SIL1: variants seen among roughly 807,000 people sequenced by gnomAD.
SIL1 encodes SIL1 nucleotide exchange factor.
SIL1 carries 40 observed loss-of-function variants against 49.1 expected under a neutral mutation model. The observed-to-expected ratio is 0.81, with a 90% CI of 0.63 to 1.06. The LOEUF is 1.06. Among genes scored for constraint, SIL1 ranks in the 50% least tolerant of loss-of-function variants. The pLI is 0.00. For synonymous variants in SIL1, 253 were observed against 250.8 expected (o/e 1.01, Z -0.08); for missense variants, 500 against 572.6 (o/e 0.87, Z 1.29).
intron 1 of SIL1, among the ~76,000 whole-genome samples, chr5:139,157,481 G>T (rs1046692220): frequency 9.2e-5 from 14 of 152,192 alleles, no homozygotes; most frequent in East Asian, 1.9e-4. Flanking sequence ...TTCTCTGGAA[G>T]TTTTCAGGAT....
At position 139,151,957 on chromosome 5, in the gene SIL1, A is replaced by G. The variant is rs529146004; in HGVS notation, c.-10-24104T>C. Among the ~76,000 whole-genome samples, 24 of 152,370 alleles carry G rather than the reference A, an allele frequency of 1.6e-4. No individual in the cohort carries two copies. In the East Asian group the frequency reaches 4.4e-3, roughly 28 times the overall value. ...AATCCTACTTTCCAAAACTTTTCCA[A>G]TTGATACAACATTGTCATAAAAAAT... is the stretch of plus-strand genomic sequence containing the variant. On this transcript the variant is annotated intron_variant, in intron 1 of 9. Coordinates refer to ENST00000394817, the MANE Select transcript of SIL1 (RefSeq NM_022464.5).
At chr5:138,977,702 G>A (rs1767423071) in intron 7 of SIL1, among the ~76,000 whole-genome samples, 1 of 152,114 alleles carries the variant, frequency 6.6e-6, no homozygotes, top group Admixed American at 6.5e-5. Context: ...TGGCACCAGT[G>A]GCTTCCTGCT....
At chr5:139,030,202 C>T (rs192641066) in intron 5 of SIL1, among the ~76,000 whole-genome samples, 37 of 152,020 alleles carry the variant, frequency 2.4e-4, no homozygotes, top group African/African-American at 8.0e-4. Context: ...CAGTGGCTCA[C>T]GCCTGTAATC....
intron 7 of SIL1, among the ~76,000 whole-genome samples, chr5:139,003,994 C>T (rs1033761078): frequency 1.3e-5 from 2 of 152,104 alleles, no homozygotes; most frequent in Non-Finnish European, 2.9e-5. Flanking sequence ...ATGTTGTAGG[C>T]AATGGAACCA....
At chr5:139,024,863 T>C (rs1431569381) in intron 6 of SIL1, among the ~76,000 whole-genome samples, 3 of 152,192 alleles carry the variant, frequency 2.0e-5, no homozygotes, top group South Asian at 2.1e-4. Flanking sequence ...TCCCATTATC[T>C]CTCTGAGCTG....
intron 5 of SIL1, chr5:139,035,412 G>C: frequency 1.9e-6 from 1 of 540,220 alleles, no homozygotes; most frequent in Non-Finnish European, 3.6e-6. Flanking sequence ...GATCAGGGCA[G>C]AGGCAGAAGG....
Position 139,042,652 on chromosome 5 carries a change from C to A in SIL1, c.421G>T (p.Gly141Trp). ...TCCTTTGAACTCTCCATCTCTGCCC[C>A]CTCCTTGAATTTTGCCAGTGCACTC... Reference protein sequence around the residue: ...LKSALAKFKEGAEMESSKEDK... With the variant: ...LKSALAKFKEWAEMESSKEDK... The change falls in exon 5 of 10, where the codon GGG (glycine) becomes TGG (tryptophan). Residue 141 changes from glycine to tryptophan, a missense_variant. Coordinates refer to ENST00000394817, the MANE Select transcript of SIL1 (RefSeq NM_022464.5). 2 of 1,614,146 alleles carry A rather than the reference C, an allele frequency of 1.2e-6. No individual in the cohort carries two copies. The highest frequency in any genetic ancestry group is 1.7e-5 in the Admixed American group (1 of 60,024).
intron 1 of SIL1, 59 bp from the exon 2 acceptor site, chr5:139,127,912 G>A (rs761421351): frequency 5.8e-5 from 62 of 1,063,986 alleles, no homozygotes; most frequent in South Asian, 3.1e-4. Context: ...TGGTTCCCCC[G>A]CACTGTGATT....
intron 5 of SIL1, among the ~76,000 whole-genome samples, chr5:139,029,660 G>C (rs911858009): frequency 6.6e-6 from 1 of 151,594 alleles, no homozygotes; most frequent in Admixed American, 6.6e-5. Flanking sequence ...CACCACGCCT[G>C]GCTAAAATTT....
At chr5:139,139,020 T>TGACTGA (rs1263166957) in intron 1 of SIL1, among the ~76,000 whole-genome samples, 1 of 152,202 alleles carries the variant, frequency 6.6e-6, no homozygotes, top group Non-Finnish European at 1.5e-5. Flanking sequence ...TCCCGCTTCC[T>TGACTGA]GATGACTCAG....
At chr5:139,021,738 G>C in intron 6 of SIL1, 1 of 243,528 alleles carries the variant, frequency 4.1e-6, no homozygotes, top group South Asian at 5.5e-5. Flanking sequence ...AGAAGCTAGG[G>C]ACTATAAAAG....
chr5:139,170,039 G>A (rs549912163), intron 1 of SIL1, among the ~76,000 whole-genome samples: 13 of 152,312 alleles, frequency 8.5e-5, no homozygotes, highest in African/African-American at 1.7e-4. Flanking sequence ...ACTGGTTTTC[G>A]TACTTTTTTG....
At chr5:139,028,238 A>C (rs1259504001) in intron 5 of SIL1, among the ~76,000 whole-genome samples, 1 of 151,960 alleles carries the variant, frequency 6.6e-6, no homozygotes, top group Non-Finnish European at 1.5e-5. Flanking sequence ...AGTGGCTCAC[A>C]CCTGTAATCC....
chr5:139,057,916 C>T (rs980479310), intron 3 of SIL1, among the ~76,000 whole-genome samples: 1 of 152,184 alleles, frequency 6.6e-6, no homozygotes, highest in African/African-American at 2.4e-5. Flanking sequence ...ACCCTCAAGC[C>T]TCTTCACTAA....
chr5:139,173,473 C>A lies in SIL1; in HGVS notation c.-11+24796G>T, dbSNP rs1581151469. Among the ~76,000 whole-genome samples, 3 of 151,966 alleles carry A rather than the reference C, an allele frequency of 2.0e-5. No homozygotes were observed. The East Asian group carries it at 5.8e-4, about 29-fold the overall frequency. ...GCTGAGGCAAGAGAATTGCTTGAAC[C>A]CAGGAGGCAGAGATTTCAGTGAGCC... On this transcript the variant is annotated intron_variant, in intron 1 of 9. Coordinates refer to ENST00000394817, the MANE Select transcript of SIL1 (RefSeq NM_022464.5).
chr5:139,148,544 A>G (rs1394057186), intron 1 of SIL1, among the ~76,000 whole-genome samples: 1 of 152,206 alleles, frequency 6.6e-6, no homozygotes, highest in Non-Finnish European at 1.5e-5. Context: ...ATATCCTGGA[A>G]ACAGTCTGTC....
chr5:138,991,743 C>G (rs922144117), intron 7 of SIL1, among the ~76,000 whole-genome samples: 1 of 152,172 alleles, frequency 6.6e-6, no homozygotes, highest in Non-Finnish European at 1.5e-5. Context: ...TCTAACTGAT[C>G]AGAATTTAAC....
chr5:139,161,306 T>C (rs1331429171), intron 1 of SIL1, among the ~76,000 whole-genome samples: 1 of 152,094 alleles, frequency 6.6e-6, no homozygotes, highest in Non-Finnish European at 1.5e-5. Flanking sequence ...ATAAGGGAAA[T>C]GAAGGAGAAA....
At chr5:139,176,867 G>A (rs13359447) in intron 1 of SIL1, among the ~76,000 whole-genome samples, 21,961 of 151,390 alleles carry the variant, frequency 0.15, 4,360 homozygotes, top group African/African-American at 0.46. Flanking sequence ...AAATTAATGG[G>A]CAGGAAAGCA....
Sources: allele counts gnomAD v4.1 joint callset (sites outside exome capture counted in the v4.1 genomes callset), GRCh38; gene constraint gnomAD v4.1.1; transcripts MANE v1.5; gene names NCBI Gene and HGNC (gene_info 2026-07-23, HGNC 2026-07-21).